STK32A: variants seen among roughly 807,000 people sequenced by gnomAD.
The protein encoded by STK32A is serine/threonine-protein kinase 32A.
Under a neutral mutation model 53.2 loss-of-function variants are expected in STK32A, and 41 were observed. The ratio of observed to expected loss-of-function variants is 0.77; its 90% CI spans 0.60 to 1.00. The LOEUF is 1.00. STK32A is among the 50% of genes least tolerant of loss of function. The probability of loss-of-function intolerance (pLI) is 0.00; values close to 1 mark genes in which losing one functional copy is unlikely to be tolerated. For missense variants in STK32A, 458 were observed against 485.8 expected (o/e 0.94, Z 0.54); for synonymous variants, 166 against 162.8 (o/e 1.02, Z -0.15).
At chr5:147,262,722 C>G (rs1041724382) in intron 2 of STK32A, among the ~76,000 whole-genome samples, 1 of 152,068 alleles carries the variant, frequency 6.6e-6, no homozygotes, top group African/African-American at 2.4e-5. Context: ...TTTAAACCCA[C>G]AAGGATGAAG....
At chr5:147,315,743 C>T (rs947954968) in intron 4 of STK32A, among the ~76,000 whole-genome samples, 5 of 151,922 alleles carry the variant, frequency 3.3e-5, no homozygotes, top group African/African-American at 9.7e-5. Flanking sequence ...GTATATTTTA[C>T]CACAATAGAA....
intron 6 of STK32A, among the ~76,000 whole-genome samples, chr5:147,345,699 A>G (rs1394528698): frequency 2.0e-5 from 3 of 151,940 alleles, no homozygotes; most frequent in Non-Finnish European, 2.9e-5. Context: ...ATGACATTTT[A>G]TTCTTGGTGG....
intron 2 of STK32A, among the ~76,000 whole-genome samples, chr5:147,244,698 A>C (rs908949058): frequency 2.0e-5 from 3 of 152,236 alleles, no homozygotes; most frequent in Non-Finnish European, 1.5e-5. Flanking sequence ...AAAAGTCTCC[A>C]AACCTAAATA....
At chr5:147,284,485 G>A (rs982569478) in intron 4 of STK32A, among the ~76,000 whole-genome samples, 14 of 151,906 alleles carry the variant, frequency 9.2e-5, no homozygotes, top group African/African-American at 3.1e-4. Context: ...GCTTGTTGGC[G>A]ATATGATCGT....
At chr5:147,261,887 C>A (rs1193447708) in intron 2 of STK32A, among the ~76,000 whole-genome samples, 3 of 138,052 alleles carry the variant, frequency 2.2e-5, no homozygotes, top group Admixed American at 1.5e-4. Flanking sequence ...GCTATCCCCC[C>A]CAAGCTAAGA....
At chr5:147,392,008 T>A (rs1459541817), downstream of STK32A, 1 of 152,238 alleles carries the variant, frequency 6.6e-6, no homozygotes, top group Non-Finnish European at 1.5e-5. Flanking sequence ...AAGTGGACGC[T>A]CAGAAGCGAG....
chr5:147,393,032 C>T, the STK32A span: 9 of 152,282 alleles, frequency 5.9e-5, no homozygotes, highest in African/African-American at 1.9e-4. Context: ...GTAAGAGAGG[C>T]CCTTCATTCT....
intron 7 of STK32A, among the ~76,000 whole-genome samples, chr5:147,354,083 G>GA (rs1253644937): frequency 9.8e-4 from 147 of 150,372 alleles, no homozygotes; most frequent in African/African-American, 1.2e-3. Flanking sequence ...TCTTCTATGA[G>GA]AAAAAAAAAT....
At chr5:147,364,707 G>C (rs553843905) in intron 8 of STK32A, among the ~76,000 whole-genome samples, 11 of 152,270 alleles carry the variant, frequency 7.2e-5, no homozygotes, top group Non-Finnish European at 1.3e-4. Context: ...ATGACGGAGA[G>C]AGAGATAATC....
chr5:147,351,270 T>A lies in STK32A; in HGVS notation c.562+116T>A. The A allele has an allele frequency of 3.6e-6, 3 of 828,658 alleles. No individual in the cohort carries two copies. The South Asian group carries it at 5.2e-5, about 14-fold the overall frequency. The allele number at this position is 828,658 out of a possible 1,614,324, so 51.3% of individuals were successfully genotyped here. A position where few individuals can be genotyped will look rare whatever the true frequency, so the allele number is the denominator to read the frequency against. ...TGGTAAGTTCCTCTCTGACTTTACC[T>A]GTGGAGCTTCTGATTTCATGGGTCT... is the stretch of plus-strand genomic sequence containing the variant. On this transcript the variant is annotated intron_variant, in intron 7 of 12. Transcript: ENST00000397936.
intron 1 of STK32A, among the ~76,000 whole-genome samples, chr5:147,238,952 C>T (rs1375056087): frequency 6.6e-6 from 1 of 151,914 alleles, no homozygotes; most frequent in African/African-American, 2.4e-5. Context: ...ATACATTTAA[C>T]TTAATATATA....
At chr5:147,304,931 G>A (rs1348977682) in intron 4 of STK32A, among the ~76,000 whole-genome samples, 1 of 151,936 alleles carries the variant, frequency 6.6e-6, no homozygotes, top group Non-Finnish European at 1.5e-5. Flanking sequence ...GCAACATAGT[G>A]AGAACTCATC....
In STK32A at chr5:147,387,671, A is replaced by G. The variant is rs1389426665; in HGVS notation, c.*3688A>G. ...TCTGTCTGTGATTCCTGTTTATTAC[A>G]AATTCAGTGTGTCTGACTGATATTA... is the stretch of plus-strand genomic sequence containing the variant. On this transcript the variant is annotated 3_prime_UTR_variant, in exon 13 of 13. Transcript: ENST00000397936. 1 of 152,250 alleles carries G rather than the reference A, an allele frequency of 6.6e-6. No homozygotes were observed. Among genetic ancestry groups the G allele is most frequent in the African/African-American group, 2.4e-5 (1 of 41,468 alleles). The allele number at this position is 152,250 out of a possible 1,614,324, so 9.4% of individuals were successfully genotyped here.
chr5:147,324,189 A>G, intron 5 of STK32A, 118 bp downstream of exon 5: 2 of 1,073,536 alleles, frequency 1.9e-6, no homozygotes, highest in Non-Finnish European at 1.3e-6. Context: ...TTCTTGAAAC[A>G]GTACCCTGAG....
At position 147,361,625 on chromosome 5, in the gene STK32A, A is replaced by G; in HGVS notation, c.660+11A>G. On this transcript the variant is annotated intron_variant, in intron 8 of 12. Coordinates refer to ENST00000397936, the MANE Select transcript of STK32A (RefSeq NM_001112724.2). ...CTGCTGAGAGGCCGGGTACTGTAGT[A>G]GCATTTCCTCTTTGGTTATTTTTCC... The G allele has an allele frequency of 6.4e-7, 1 of 1,568,936 alleles. No homozygotes were observed.
rs1460824836 is a variant in STK32A, at chr5:147,270,667, G to A, written c.53-7457G>A. 5.3e-5 allele frequency among the ~76,000 whole-genome samples: 8 copies of A among 152,170 alleles called. No individual in the cohort carries two copies. In the East Asian group the frequency reaches 1.2e-3, roughly 22 times the overall value. ...AAAGATATGTAAAATATATACAAAA[G>A]CAGTTTGCTGAAAAAATACACATAT... On this transcript the variant is annotated intron_variant, in intron 2 of 12. Transcript: ENST00000397936.
chr5:147,397,577 T>C, the STK32A span: 1 of 1,352,830 alleles, frequency 7.4e-7, no homozygotes, highest in Middle Eastern at 2.0e-4. Context: ...AGTCTAGAGA[T>C]CACAGTGCCC....
At chr5:147,395,533 T>A in the STK32A span, 2 of 1,594,298 alleles carry the variant, frequency 1.3e-6, no homozygotes, top group African/African-American at 2.7e-5. Flanking sequence ...CCTTCTCTTA[T>A]CTTTTGATGA....
chr5:147,400,581 G>A, the STK32A span: 96 of 1,402,228 alleles, frequency 6.8e-5, 1 homozygote, highest in Non-Finnish European at 2.2e-5. Context: ...CAGCAAGTAC[G>A]AGATCCCATC....
Sources: allele counts gnomAD v4.1 joint callset (sites outside exome capture counted in the v4.1 genomes callset), GRCh38; gene constraint gnomAD v4.1.1; transcripts MANE v1.5; gene names NCBI Gene and HGNC (gene_info 2026-07-23, HGNC 2026-07-21).